The following UBR1 variants were observed in gnomAD, a reference collection of about 807,000 sequenced individuals.
UBR1 encodes the protein E3 ubiquitin-protein ligase UBR1.
Under a neutral mutation model 242.1 loss-of-function variants are expected in UBR1, and 102 were observed. The ratio of observed to expected loss-of-function variants is 0.42; its 90% CI spans 0.36 to 0.50. The LOEUF (loss-of-function observed/expected upper bound fraction) is 0.50, where lower values mean the gene tolerates loss of function less well. UBR1 is among the 20% of genes least tolerant of loss of function. The pLI, the probability that UBR1 is intolerant of heterozygous loss-of-function variation, is 0.01. For synonymous variants in UBR1, 675 were observed against 684.8 expected (o/e 0.99, Z 0.22); for missense variants, 1,772 against 2,101.8 (o/e 0.84, Z 3.07).
At chr15:42,990,805 A>G (rs1193038328) in intron 33 of UBR1, among the ~76,000 whole-genome samples, 1 of 152,188 alleles carries the variant, frequency 6.6e-6, no homozygotes, top group African/African-American at 2.4e-5. Context: ...TCTGAAGCCA[A>G]GCTGCCTGGG....
chr15:43,087,587 T>C (rs566428749), intron 1 of UBR1, among the ~76,000 whole-genome samples: 206 of 152,228 alleles, frequency 1.4e-3, no homozygotes, highest in African/African-American at 4.8e-3. Flanking sequence ...TAAAACTTTA[T>C]GGAAAATATG....
chr15:43,105,343 G>A (rs975568108), intron 1 of UBR1, among the ~76,000 whole-genome samples: 2 of 152,100 alleles, frequency 1.3e-5, no homozygotes, highest in Non-Finnish European at 2.9e-5. Flanking sequence ...TATAGATTCC[G>A]ACATCAATTA....
At chr15:43,103,004 C>T (rs1049273400) in intron 1 of UBR1, among the ~76,000 whole-genome samples, 4 of 152,220 alleles carry the variant, frequency 2.6e-5, no homozygotes, top group African/African-American at 7.2e-5. Flanking sequence ...CCTGTCTCTA[C>T]TAAAAATACA....
chr15:42,943,539 C>T lies in UBR1; in HGVS notation c.*1790G>A, dbSNP rs1357910900. Reference sequence around the variant, plus strand: ...CATTGCCAGACAGTCCCTCTGTCCTCTTGAGAGCCTAACTCCAGAATTTAT... The same window carrying T: ...CATTGCCAGACAGTCCCTCTGTCCTTTTGAGAGCCTAACTCCAGAATTTAT... On this transcript the variant is annotated 3_prime_UTR_variant, in exon 47 of 47. Coordinates refer to ENST00000290650, the MANE Select transcript of UBR1 (RefSeq NM_174916.3). 2.0e-5 allele frequency: 3 copies of T among 152,286 alleles called. No homozygotes were observed. Among genetic ancestry groups the T allele is most frequent in the Non-Finnish European group, 4.4e-5 (3 of 68,028 alleles). The allele number at this position is 152,286 out of a possible 1,614,324, so 9.4% of individuals were successfully genotyped here.
chr15:42,970,312 C>A (rs911774663), intron 40 of UBR1, among the ~76,000 whole-genome samples: 3 of 152,146 alleles, frequency 2.0e-5, no homozygotes, highest in African/African-American at 7.2e-5. Flanking sequence ...TGAAACTACA[C>A]CCCTTCCTTA....
At chr15:43,027,542 T>C (rs1038057631) in intron 22 of UBR1, among the ~76,000 whole-genome samples, 41 of 152,108 alleles carry the variant, frequency 2.7e-4, no homozygotes, top group Non-Finnish European at 2.1e-4. Context: ...TCTAAATAAA[T>C]CACCTAATAT....
chr15:43,022,291 TTATCATTCAGATTTC>T (rs1282436604), intron 26 of UBR1, among the ~76,000 whole-genome samples: 1 of 152,152 alleles, frequency 6.6e-6, no homozygotes, highest in African/African-American at 2.4e-5. Flanking sequence ...AAAATGAACG[TTATCATTCAGATTTC>T]TATCATTTAA....
At chr15:43,010,062 CG>C (rs1423195718) in intron 29 of UBR1, among the ~76,000 whole-genome samples, 1 of 151,996 alleles carries the variant, frequency 6.6e-6, no homozygotes, top group African/African-American at 2.4e-5. Flanking sequence ...TTAGTAGAGA[CG>C]GAGTTTCACT....
At chr15:43,054,443 G>A (rs987088946) in intron 12 of UBR1, among the ~76,000 whole-genome samples, 1 of 152,140 alleles carries the variant, frequency 6.6e-6, no homozygotes, top group African/African-American at 2.4e-5. Context: ...GTGTGTGAGT[G>A]GAAGTGAATG....
intron 36 of UBR1, among the ~76,000 whole-genome samples, chr15:42,984,286 A>T (rs1327974901): frequency 6.6e-6 from 1 of 152,236 alleles, no homozygotes; most frequent in Non-Finnish European, 1.5e-5. Flanking sequence ...GTGTACCACA[A>T]GTCTTCTAGT....
chr15:42,979,772 G>A (rs1207106547), intron 37 of UBR1, among the ~76,000 whole-genome samples: 3 of 152,000 alleles, frequency 2.0e-5, no homozygotes, highest in African/African-American at 7.3e-5. Context: ...TGGCCAGGCT[G>A]GTCTTGAACT....
intron 5 of UBR1, 73 bp from the exon 6 acceptor site, chr15:43,068,109 A>G (rs1452479168): frequency 2.8e-6 from 3 of 1,057,838 alleles, no homozygotes; most frequent in East Asian, 3.0e-5. Context: ...AAAAAAAAAG[A>G]CAAAATTAAT....
At chr15:43,041,826 C>A (rs1434359092) in intron 15 of UBR1, among the ~76,000 whole-genome samples, 1 of 152,152 alleles carries the variant, frequency 6.6e-6, no homozygotes, top group Non-Finnish European at 1.5e-5. Flanking sequence ...GTAACTCCAA[C>A]TGAACAGCAA....
intron 27 of UBR1, among the ~76,000 whole-genome samples, chr15:43,018,535 A>T (rs1317319507): frequency 6.6e-6 from 1 of 152,040 alleles, no homozygotes; most frequent in Non-Finnish European, 1.5e-5. Context: ...CTAGAGGCGC[A>T]CACCACCATA....
chr15:43,087,950 AAAG>A (rs1304605483), intron 1 of UBR1, among the ~76,000 whole-genome samples: 1 of 152,218 alleles, frequency 6.6e-6, no homozygotes, highest in African/African-American at 2.4e-5. Context: ...GGAAAAGAAA[AAAG>A]AAGAGGTGAA....
intron 22 of UBR1, 135 bp from the exon 23 acceptor site, chr15:43,026,798 T>C: frequency 2.8e-6 from 2 of 706,908 alleles, no homozygotes; most frequent in South Asian, 1.7e-5. Flanking sequence ...TATGAAAAAT[T>C]CCATTGCAAT....
At chr15:42,962,998 T>C (rs941791145) in intron 42 of UBR1, among the ~76,000 whole-genome samples, 2 of 152,192 alleles carry the variant, frequency 1.3e-5, no homozygotes, top group Non-Finnish European at 2.9e-5. Flanking sequence ...TGTTTCAAAG[T>C]GTGAATTTTT....
At chr15:43,081,188 G>A (rs1454168777) in intron 3 of UBR1, among the ~76,000 whole-genome samples, 2 of 152,134 alleles carry the variant, frequency 1.3e-5, no homozygotes, top group African/African-American at 4.8e-5. Flanking sequence ...GGAGGCTGAG[G>A]CGGGTGGATC....
intron 9 of UBR1, among the ~76,000 whole-genome samples, chr15:43,058,720 C>T (rs928270802): frequency 5.3e-5 from 8 of 152,114 alleles, no homozygotes; most frequent in Non-Finnish European, 7.4e-5. Context: ...CTTCTCCATG[C>T]TTTTAGCCTT....
Sources: allele counts gnomAD v4.1 joint callset (sites outside exome capture counted in the v4.1 genomes callset), GRCh38; gene constraint gnomAD v4.1.1; transcripts MANE v1.5; gene names NCBI Gene and HGNC (gene_info 2026-07-23, HGNC 2026-07-21).